SPRING1: variants seen among roughly 807,000 people sequenced by gnomAD.
SPRING1 encodes the protein SREBF pathway regulator in golgi 1, also known as SREBP regulating gene protein.
A neutral mutation model predicts 24.7 loss-of-function variants in SPRING1; 14 were observed. That is an observed-to-expected ratio of 0.57 (90% CI 0.37 to 0.88). The LOEUF (loss-of-function observed/expected upper bound fraction) is 0.88, where lower values mean the gene tolerates loss of function less well. SPRING1 is among the 40% of genes least tolerant of loss of function. The probability of loss-of-function intolerance (pLI) is 0.00; values close to 1 mark genes in which losing one functional copy is unlikely to be tolerated. For missense variants in SPRING1, 255 were observed against 268.4 expected (o/e 0.95, Z 0.35); for synonymous variants, 93 against 106.1 (o/e 0.88, Z 0.76).
chr12:116,729,577 T>C (rs990882214), intron 1 of SPRING1, among the ~76,000 whole-genome samples: 6 of 152,184 alleles, frequency 3.9e-5, no homozygotes, highest in African/African-American at 1.2e-4. Context: ...AACCCAAATG[T>C]CTCTCAATAA....
chr12:116,714,459 A>G lies in SPRING1; in HGVS notation c.*3351T>C, dbSNP rs1870017519. 1 of 152,242 alleles carries G rather than the reference A, an allele frequency of 6.6e-6. No individual in the cohort carries two copies. The highest frequency in any genetic ancestry group is 6.5e-5 in the Admixed American group (1 of 15,276). The allele number at this position is 152,242 out of a possible 1,614,324, so 9.4% of individuals were successfully genotyped here. ...GAGGTGACAGCACTGCTCTCAAGTC[A>G]TATCCTCTGCTTCTGCAAAAGCTGT... On this transcript the variant is annotated 3_prime_UTR_variant, in exon 5 of 5. Transcript: ENST00000261318.
At chr12:116,722,939 G>C (rs1870500152) in intron 2 of SPRING1, 128 bp downstream of exon 2, 2 of 1,219,124 alleles carry the variant, frequency 1.6e-6, no homozygotes, top group Non-Finnish European at 2.3e-6. Flanking sequence ...AAAAACCTGG[G>C]GAATGTTGGA....
intron 1 of SPRING1, among the ~76,000 whole-genome samples, chr12:116,725,885 CAA>C (rs562256866): frequency 2.5e-5 from 3 of 122,354 alleles, no homozygotes; most frequent in African/African-American, 6.1e-5. Flanking sequence ...GACTCCGTCT[CAA>C]AAAAAAAAAA....
At position 116,714,317 on chromosome 12, in the gene SPRING1, G is replaced by A. The variant is rs1017724441; in HGVS notation, c.*3493C>T. On this transcript the variant is annotated 3_prime_UTR_variant, in exon 5 of 5. Transcript: ENST00000261318. ...CAACTTATCTGCTGATCCCAAGGAT[G>A]GGAAAAGCTGCACTCAGAAACTTGC... 3 of 152,230 alleles carry A rather than the reference G, an allele frequency of 2.0e-5. No individual in the cohort carries two copies. The highest frequency in any genetic ancestry group is 1.3e-4 in the Admixed American group (2 of 15,280). The allele number at this position is 152,230 out of a possible 1,614,324, so 9.4% of individuals were successfully genotyped here.
At chr12:116,724,009 A>G (rs1010614807) in intron 1 of SPRING1, among the ~76,000 whole-genome samples, 3 of 152,146 alleles carry the variant, frequency 2.0e-5, no homozygotes, top group Admixed American at 1.3e-4. Context: ...TAAAAAAAAA[A>G]CTAAAGAGGA....
intron 1 of SPRING1, among the ~76,000 whole-genome samples, chr12:116,731,517 G>A (rs944525995): frequency 6.6e-6 from 1 of 152,128 alleles, no homozygotes; most frequent in African/African-American, 2.4e-5. Context: ...GGCTGAGCCA[G>A]GCCATTGCTT....
At position 116,713,731 on chromosome 12, in the gene SPRING1, C is replaced by T. The variant is rs995105321; in HGVS notation, c.*4079G>A. 1 of 152,102 alleles carries T rather than the reference C, an allele frequency of 6.6e-6. No homozygotes were observed. The highest frequency in any genetic ancestry group is 1.5e-5 in the Non-Finnish European group (1 of 68,032). The allele number at this position is 152,102 out of a possible 1,614,324, so 9.4% of individuals were successfully genotyped here. A position where few individuals can be genotyped will look rare whatever the true frequency, so the allele number is the denominator to read the frequency against. Reference sequence around the variant, plus strand: ...TATTGTATATTCATGAAATTGACACCATGTGGCCACACAAATGCATTACAC... The same window carrying T: ...TATTGTATATTCATGAAATTGACACTATGTGGCCACACAAATGCATTACAC... On this transcript the variant is annotated 3_prime_UTR_variant, in exon 5 of 5. Transcript: ENST00000261318.
At chr12:116,736,559 A>G (rs1374294882) in intron 1 of SPRING1, among the ~76,000 whole-genome samples, 1 of 152,178 alleles carries the variant, frequency 6.6e-6, no homozygotes, top group Non-Finnish European at 1.5e-5. Flanking sequence ...AGTTTTATCA[A>G]TGTTCTATTC....
intron 1 of SPRING1, among the ~76,000 whole-genome samples, chr12:116,723,972 A>C (rs1464684971): frequency 6.6e-6 from 1 of 152,132 alleles, no homozygotes; most frequent in East Asian, 1.9e-4. Context: ...ACTGTTTTCT[A>C]TACTGTTATA....
rs1206144738 is a variant in SPRING1 at position 116,712,923 on chromosome 12, A to G, written c.*4887T>C. 1 of 152,512 alleles carries G rather than the reference A, an allele frequency of 6.6e-6. No homozygotes were observed. Among genetic ancestry groups the G allele is most frequent in the Non-Finnish European group, 1.5e-5 (1 of 68,278 alleles). The allele number at this position is 152,512 out of a possible 1,614,324, so 9.4% of individuals were successfully genotyped here. ...CCTGTGGGGATTTCAGGGTAATTTA[A>G]TCAGCAGCACTTCAGCAGGGTAGAA... On this transcript the variant is annotated 3_prime_UTR_variant, in exon 5 of 5. Transcript: ENST00000261318.
At chr12:116,723,385 C>T (rs948209281) in intron 1 of SPRING1, among the ~76,000 whole-genome samples, 162 bp from the exon 2 acceptor site, 5 of 152,166 alleles carry the variant, frequency 3.3e-5, no homozygotes, top group Admixed American at 2.0e-4. Context: ...GAGCCAAAGT[C>T]ATAAAATAAA....
intron 4 of SPRING1, 59 bp downstream of exon 4, chr12:116,719,704 T>C (rs962163147): frequency 2.8e-6 from 4 of 1,411,448 alleles, no homozygotes; most frequent in African/African-American, 1.4e-5. Flanking sequence ...GTGTATTTTC[T>C]AGTTTCCTTC....
chr12:116,722,610 G>A (rs1870486247), intron 2 of SPRING1, among the ~76,000 whole-genome samples: 1 of 152,234 alleles, frequency 6.6e-6, no homozygotes, highest in Non-Finnish European at 1.5e-5. Context: ...CATCACTGCT[G>A]AGTTGGGAAT....
At chr12:116,727,545 A>ATAAGGCAC (rs776854207) in intron 1 of SPRING1, among the ~76,000 whole-genome samples, 1 of 152,026 alleles carries the variant, frequency 6.6e-6, no homozygotes, top group Non-Finnish European at 1.5e-5. Flanking sequence ...GCACGGAAAC[A>ATAAGGCAC]TAAGGCACTC....
In SPRING1 at chr12:116,720,482, G is replaced by C. The variant is rs935361974; in HGVS notation, c.269-35C>G. The C allele has an allele frequency of 1.1e-5, 17 of 1,609,388 alleles. No homozygotes were observed. Among genetic ancestry groups the C allele is most frequent in the African/African-American group, 2.7e-5 (2 of 74,786 alleles). ...AGAGACCAACCTTAGCATAAAACCA[G>C]CAGCCTTGCCACCTCCCTACCAGGG... On this transcript the variant is annotated intron_variant, in intron 2 of 4. Transcript: ENST00000261318. This position sits in a 1 kb window ranked among gnomAD's most constrained non-coding sequence, Gnocchi z 4.0.
Position 116,725,811 on chromosome 12 carries a change from G to A in SPRING1, c.112-2588C>T, listed in dbSNP as rs555014206. Among the ~76,000 whole-genome samples the A allele has an allele frequency of 9.2e-4, 140 of 152,082 alleles. 3 individuals are homozygous for A. In the South Asian group the frequency reaches 0.015, roughly 16 times the overall value. ...TGAGGCAGGAGAATGGCATGAACCC[G>A]GGAGGCGGAGCTTGCAGTGAGCCAA... On this transcript the variant is annotated intron_variant, in intron 1 of 4. Transcript: ENST00000261318.
intron 1 of SPRING1, among the ~76,000 whole-genome samples, chr12:116,734,133 T>C (rs1316338044): frequency 6.6e-6 from 1 of 152,188 alleles, no homozygotes; most frequent in Non-Finnish European, 1.5e-5. Context: ...TGCCTCAGAC[T>C]CCCAAACTGC....
Position 116,720,148 on chromosome 12 carries a change from A to C in SPRING1, c.420+148T>G. 1 of 1,068,492 alleles carries C rather than the reference A, an allele frequency of 9.4e-7. No individual in the cohort carries two copies. Among genetic ancestry groups the C allele is most frequent in the Non-Finnish European group, 1.3e-6 (1 of 756,440 alleles). The allele number at this position is 1,068,492 out of a possible 1,614,324, so 66.2% of individuals were successfully genotyped here. ...GGAACCACCTCCTTTCCTTAGATAA[A>C]AGCTATTGTGCAGCAATTTCTGACA... On this transcript the variant is annotated intron_variant, in intron 3 of 4. Transcript: ENST00000261318. This position sits in a 1 kb window ranked among gnomAD's most constrained non-coding sequence, Gnocchi z 4.0.
chr12:116,732,028 C>T (rs1870999895), intron 1 of SPRING1, among the ~76,000 whole-genome samples: 2 of 152,110 alleles, frequency 1.3e-5, no homozygotes, highest in South Asian at 4.1e-4. Context: ...CACCATGCAC[C>T]CAGAGGAGGA....
Sources: gnomAD v4.1 joint callset for allele counts (sites outside exome capture counted in the v4.1 genomes callset) on GRCh38, gnomAD v4.1.1 for gene constraint, Gnocchi (gnomAD v3.1) non-coding constraint, MANE v1.5 for transcripts, NCBI Gene and HGNC (gene_info 2026-07-23, HGNC 2026-07-21) for gene names.